Variants in SLC19A1 observed in about 807,000 individuals in gnomAD.
SLC19A1 encodes reduced folate transporter.
SLC19A1 carries 37 observed loss-of-function variants against 35.3 expected under a neutral mutation model. That is an observed-to-expected ratio of 1.05 (90% confidence interval 0.81 to 1.38). The LOEUF is 1.38. Among genes scored for constraint, SLC19A1 ranks in the 40% most tolerant of loss-of-function variants. The pLI is 0.00. For missense variants in SLC19A1, 831 were observed against 826.9 expected (o/e 1.00, Z -0.06); for synonymous variants, 460 against 398.5 (o/e 1.15, Z -1.84).
chr21:45,509,731 G>A (rs1404965898), downstream of SLC19A1: 8 of 711,878 alleles, frequency 1.1e-5, no homozygotes, highest in South Asian at 3.0e-5. Context: ...TGGCGGCTCA[G>A]GGCCACTCAG....
intron 5 of SLC19A1, among the ~76,000 whole-genome samples, 168 bp downstream of exon 5, chr21:45,525,649 C>G (rs2077584312): frequency 6.6e-6 from 1 of 152,226 alleles, no homozygotes. Flanking sequence ...TAGGGTCTCT[C>G]TCACTTCCTG....
intron 3 of SLC19A1, chr21:45,507,348 G>T: frequency 1.6e-6 from 1 of 622,990 alleles, no homozygotes; most frequent in Non-Finnish European, 2.9e-6. Context: ...GCTGGGCAGG[G>T]AGGGCACCCT....
chr21:45,529,880 AGT>A (rs1228315498), intron 4 of SLC19A1, among the ~76,000 whole-genome samples: 2 of 132,640 alleles, frequency 1.5e-5, no homozygotes, highest in East Asian at 2.3e-4. Flanking sequence ...CATTCATGTG[AGT>A]GTGGTGGGTG....
At chr21:45,510,938 A>ACACACACCC (rs1271906023), downstream of SLC19A1, among the ~76,000 whole-genome samples, 33 of 42,028 alleles carry the variant, frequency 7.9e-4, no homozygotes, top group Middle Eastern at 0.015. Context: ...CCCCCAAAAA[A>ACACACACCC]ACACACACCC....
chr21:45,516,590 C>T (rs564981754), intron 5 of SLC19A1, among the ~76,000 whole-genome samples: 10 of 152,352 alleles, frequency 6.6e-5, no homozygotes, highest in African/African-American at 2.4e-4. Context: ...GAGCAACCCC[C>T]AGCAGCCTGC....
Position 45,505,438 on chromosome 21 carries a change from G to A in SLC19A1, c.498-6826C>T. ...CATGGGCGCCTCCTCAGGGGTAAGT[G>A]TCTGGGCAGCCGGCTGGGCACCTGC... On this transcript the variant is annotated intron_variant, in intron 3 of 4. Transcript: ENST00000417954. 6.6e-7 allele frequency: 1 copy of A among 1,511,694 alleles called. No homozygotes were observed. Among genetic ancestry groups the A allele is most frequent in the South Asian group, 1.2e-5 (1 of 86,242 alleles). 93.6% of individuals were successfully genotyped at this position (1,511,694 alleles called of 1,614,324 possible). A position where few individuals can be genotyped will look rare whatever the true frequency, so the allele number is the denominator to read the frequency against.
intron 5 of SLC19A1, among the ~76,000 whole-genome samples, chr21:45,518,717 A>G (rs184223024): frequency 1.6e-4 from 23 of 148,256 alleles, no homozygotes; most frequent in African/African-American, 5.7e-4. Context: ...CTCACAGGCT[A>G]AAAAAAAAGA....
At chr21:45,506,811 A>G (rs1165115531) in intron 3 of SLC19A1, 1 of 154,592 alleles carries the variant, frequency 6.5e-6, no homozygotes, top group African/African-American at 2.7e-5. Context: ...CCTTCCCTCT[A>G]GCACTCCCTC....
chr21:45,507,936 A>G (rs1000926384), downstream of SLC19A1, among the ~76,000 whole-genome samples: 1 of 152,230 alleles, frequency 6.6e-6, no homozygotes, highest in East Asian at 1.9e-4. Flanking sequence ...CCAAAGTGCC[A>G]GACACAAGAA....
chr21:45,509,351 T>TGCAGGACAATG, downstream of SLC19A1: 1 of 1,545,676 alleles, frequency 6.5e-7, no homozygotes, highest in Non-Finnish European at 8.7e-7. Context: ...GTCTCCCACC[T>TGCAGGACAATG]GCAGGACAAT....
At chr21:45,529,468 C>T (rs373974406) in intron 4 of SLC19A1, among the ~76,000 whole-genome samples, 9 of 152,120 alleles carry the variant, frequency 5.9e-5, no homozygotes, top group Admixed American at 1.3e-4. Context: ...GTCCTCCCAG[C>T]GGGCAGGAAA....
chr21:45,513,043 C>T lies in SLC19A1; in HGVS notation c.*2615G>A, dbSNP rs2146162922. The stretch of plus-strand genomic sequence containing the variant: ...ACTGTGACCCCCAGCTCCGGCCTGT[C>T]CTCCAACACCAAGCACAGCAGCCTG... On this transcript the variant is annotated 3_prime_UTR_variant, in exon 6 of 6. Transcript: ENST00000311124. 1 of 156,668 alleles carries T rather than the reference C, an allele frequency of 6.4e-6. No individual in the cohort carries two copies. Among genetic ancestry groups the T allele is most frequent in the South Asian group, 1.9e-4 (1 of 5,200 alleles). 9.7% of individuals were successfully genotyped at this position (156,668 alleles called of 1,614,324 possible).
chr21:45,549,608 G>C (rs1188185343), intron 1 of SLC19A1, among the ~76,000 whole-genome samples: 1 of 136,140 alleles, frequency 7.3e-6, no homozygotes, highest in East Asian at 2.1e-4. Context: ...AGCCTCGGGA[G>C]AAAAGGGCAG....
Position 45,514,724 on chromosome 21 carries a change from G to C in SLC19A1, c.*934C>G. On this transcript the variant is annotated 3_prime_UTR_variant, in exon 6 of 6. Coordinates refer to ENST00000311124, the MANE Select transcript of SLC19A1 (RefSeq NM_194255.4). ...AGAAGCCCTGCGCACACTCACTTAAGTGTGTTTAATGTATGTGGGAAGAGT... is the reference window on the plus strand; with the variant it reads ...AGAAGCCCTGCGCACACTCACTTAACTGTGTTTAATGTATGTGGGAAGAGT... The C allele has an allele frequency of 2.4e-6, 1 of 417,806 alleles. No individual in the cohort carries two copies. Among genetic ancestry groups the C allele is most frequent in the African/African-American group, 2.1e-5 (1 of 48,252 alleles). The allele number at this position is 417,806 out of a possible 1,614,324, so 25.9% of individuals were successfully genotyped here. A position where few individuals can be genotyped will look rare whatever the true frequency, so the allele number is the denominator to read the frequency against.
chr21:45,537,719 T>TGGGGGGGGGGGCCCCCCCC, intron 2 of SLC19A1, 52 bp downstream of exon 2: 1 of 319,776 alleles, frequency 3.1e-6, no homozygotes. Flanking sequence ...CAGACGCTGC[T>TGGGGGGGGGGGCCCCCCCC]CCCCGCCCAC....
At chr21:45,510,641 C>T (rs1324637255), downstream of SLC19A1, among the ~76,000 whole-genome samples, 1 of 152,220 alleles carries the variant, frequency 6.6e-6, no homozygotes, top group Non-Finnish European at 1.5e-5. Flanking sequence ...GCCATGCGGG[C>T]TGGTGGCCCC....
Position 45,524,888 on chromosome 21 carries a change from C to T in SLC19A1, c.1293+929G>A, listed in dbSNP as rs140137428. On this transcript the variant is annotated intron_variant, in intron 5 of 5. Transcript: ENST00000311124. Reference sequence around the variant, plus strand: ...TCACCCCTGGGCCTTGGAGACTCACCCGCCCTGAGTGTTCACACCTGGGTC... The same window carrying T: ...TCACCCCTGGGCCTTGGAGACTCACTCGCCCTGAGTGTTCACACCTGGGTC... 3.1e-3 allele frequency among the ~76,000 whole-genome samples: 469 copies of T among 152,172 alleles called. 3 individuals carry two copies. Among genetic ancestry groups the T allele is most frequent in the African/African-American group, 0.01 (432 of 41,530 alleles).
chr21:45,562,003 C>T (rs563890539), intron 1 of SLC19A1, among the ~76,000 whole-genome samples: 18 of 151,198 alleles, frequency 1.2e-4, no homozygotes, highest in South Asian at 2.1e-4. Context: ...TGGTGGCGGG[C>T]GCCTGTAATC....
chr21:45,537,902 G>T lies in SLC19A1; in HGVS notation c.58C>A (p.Pro20Thr), dbSNP rs759012367. 6.3e-7 allele frequency: 1 copy of T among 1,597,228 alleles called. No individual in the cohort carries two copies. Among genetic ancestry groups the T allele is most frequent in the South Asian group, 1.1e-5 (1 of 88,828 alleles). ...AGGTGCCGCCAGGACCGGAGCTCGG[G>T]GTCAGGCCCAGGTTCCACGGGCACC... The part of the protein sequence containing the change: ...KQVPVEPGPD[P>T]ELRSWRHLVC... Residue 20 changes from proline (P) to threonine (T), a missense_variant, in exon 2 of 6, where the codon CCC (proline) becomes ACC (threonine). Physicochemically the swap from Pro to Thr is conservative, Grantham distance 38 (BLOSUM62 -1). Coordinates refer to ENST00000311124, the MANE Select transcript of SLC19A1 (RefSeq NM_194255.4).
Sources: allele counts gnomAD v4.1 joint callset (sites outside exome capture counted in the v4.1 genomes callset), GRCh38; gene constraint gnomAD v4.1.1; transcripts MANE v1.5; gene names NCBI Gene and HGNC (gene_info 2026-07-23, HGNC 2026-07-21).